Variants in FTCDNL1 observed in about 807,000 individuals in gnomAD.
The protein encoded by FTCDNL1 is formiminotransferase cyclodeaminase N-terminal like.
FTCDNL1 carries 11 observed loss-of-function variants against 5.9 expected under a neutral mutation model. That is an observed-to-expected ratio of 1.87 (90% CI 1.18 to 3.10). The LOEUF is 3.10. FTCDNL1 is among the 30% of genes most tolerant of loss of function. The probability of loss-of-function intolerance (pLI) is 0.00; values close to 1 mark genes in which losing one functional copy is unlikely to be tolerated. For missense variants in FTCDNL1, 115 were observed against 65.5 expected, an observed-to-expected ratio of 1.76 and a Z score of -2.61; for synonymous variants, 58 against 24.8, an observed-to-expected ratio of 2.34 and a Z score of -3.99.
chr2:199,848,726 C>T, intron 2 of FTCDNL1, 122 bp downstream of exon 2: 1 of 573,758 alleles, frequency 1.7e-6, no homozygotes, highest in Non-Finnish European at 3.1e-6. Context: ...AGCTCAAGAG[C>T]AAGGAGGAAA....
downstream of FTCDNL1, among the ~76,000 whole-genome samples, chr2:199,759,141 G>C (rs201263470): frequency 7.5e-4 from 112 of 150,264 alleles, no homozygotes; most frequent in Non-Finnish European, 1.0e-3. Flanking sequence ...ATTTGTGTGT[G>C]TATATATATA....
chr2:199,741,898 C>T, the FTCDNL1 span, among the ~76,000 whole-genome samples: 3 of 152,134 alleles, frequency 2.0e-5, no homozygotes. Context: ...CAGCTATTAA[C>T]ATATCGACGA....
intron 3 of FTCDNL1, among the ~76,000 whole-genome samples, chr2:199,842,104 C>CAA (rs199525463): frequency 1.5e-3 from 208 of 141,732 alleles, no homozygotes; most frequent in African/African-American, 4.9e-3. Flanking sequence ...ACTAAAAATA[C>CAA]AAAAAAAAAA....
chr2:199,716,895 A>G, the FTCDNL1 span, among the ~76,000 whole-genome samples: 8 of 152,164 alleles, frequency 5.3e-5, no homozygotes, highest in Non-Finnish European at 1.2e-4. Context: ...ATAGATGGGA[A>G]ATGGCTAAGG....
At chr2:199,781,069 C>T (rs1699338380) in intron 3 of FTCDNL1, among the ~76,000 whole-genome samples, 1 of 152,200 alleles carries the variant, frequency 6.6e-6, no homozygotes, top group Admixed American at 6.5e-5. Context: ...ATGACTTTCT[C>T]CTTCCACATA....
At chr2:199,753,255 C>G in the FTCDNL1 span, among the ~76,000 whole-genome samples, 1 of 152,272 alleles carries the variant, frequency 6.6e-6, no homozygotes, top group African/African-American at 2.4e-5. Flanking sequence ...TTTAGAGAAG[C>G]TGAAAAACAA....
At chr2:199,753,290 G>GA in the FTCDNL1 span, among the ~76,000 whole-genome samples, 1 of 152,160 alleles carries the variant, frequency 6.6e-6, no homozygotes, top group African/African-American at 2.4e-5. Context: ...AGCTGCAGGA[G>GA]AGCATTTCAG....
intron 3 of FTCDNL1, among the ~76,000 whole-genome samples, chr2:199,779,517 C>T (rs931825694): frequency 1.1e-4 from 16 of 152,124 alleles, no homozygotes; most frequent in African/African-American, 3.9e-4. Flanking sequence ...CCCCCTCCAC[C>T]TTCCACATGT....
the FTCDNL1 span, among the ~76,000 whole-genome samples, chr2:199,666,919 A>G: frequency 6.6e-6 from 1 of 152,002 alleles, no homozygotes; most frequent in Non-Finnish European, 1.5e-5. Context: ...TCAAAAAAAA[A>G]AAAAAAAGTG....
At chr2:199,770,563 T>C (rs997690085) in intron 3 of FTCDNL1, among the ~76,000 whole-genome samples, 2 of 152,230 alleles carry the variant, frequency 1.3e-5, no homozygotes, top group African/African-American at 2.4e-5. Context: ...CATATATTTG[T>C]TCCTCCTGGT....
chr2:199,716,133 G>A, the FTCDNL1 span, among the ~76,000 whole-genome samples: 5 of 150,642 alleles, frequency 3.3e-5, no homozygotes, highest in African/African-American at 4.9e-5. Flanking sequence ...ATAATTGGCA[G>A]TTCTCTTTAA....
chr2:199,824,914 G>C (rs1056090863), intron 3 of FTCDNL1, among the ~76,000 whole-genome samples: 1 of 152,138 alleles, frequency 6.6e-6, no homozygotes, highest in African/African-American at 2.4e-5. Flanking sequence ...GAGGCAGGCA[G>C]ACTGCCTGAG....
At position 199,848,897 on chromosome 2, in the gene FTCDNL1, T is replaced by C; in HGVS notation, c.66A>G (p.Arg22=). 1 of 702,368 alleles carries C rather than the reference T, an allele frequency of 1.4e-6. No individual in the cohort carries two copies. The highest frequency in any genetic ancestry group is 2.6e-6 in the Non-Finnish European group (1 of 384,806). The allele number at this position is 702,368 out of a possible 1,614,324, so 43.5% of individuals were successfully genotyped here. A position where few individuals can be genotyped will look rare whatever the true frequency, so the allele number is the denominator to read the frequency against. Residue 22 remains arginine (R), a synonymous_variant, in exon 2 of 5, where the codon AGA becomes AGG. Transcript: ENST00000420128. ...TTGCTATGTTCTCAACAATGTATTT[T>C]CTTCCGGCTTCTGAAACGTTTAGTA... The part of the protein sequence containing the change: ...ACLLNVSEAG[R]KYIVENIAKA...
At chr2:199,695,750 T>C in the FTCDNL1 span, among the ~76,000 whole-genome samples, 4 of 152,156 alleles carry the variant, frequency 2.6e-5, no homozygotes, top group Admixed American at 1.3e-4. Flanking sequence ...CTTGGAGAGT[T>C]GACAGGAACA....
intron 3 of FTCDNL1, among the ~76,000 whole-genome samples, chr2:199,779,710 G>A (rs1699265789): frequency 6.6e-6 from 1 of 152,202 alleles, no homozygotes; most frequent in South Asian, 2.1e-4. Context: ...ATGGCCCAGT[G>A]TGGTTTGTGT....
intron 3 of FTCDNL1, among the ~76,000 whole-genome samples, chr2:199,789,889 CA>C (rs1245964496): frequency 6.6e-6 from 1 of 151,736 alleles, no homozygotes; most frequent in Non-Finnish European, 1.5e-5. Flanking sequence ...ATAAAGTTTC[CA>C]AGAAAGATAC....
the FTCDNL1 span, among the ~76,000 whole-genome samples, chr2:199,753,390 C>T: frequency 1.3e-5 from 2 of 152,232 alleles, no homozygotes; most frequent in Non-Finnish European, 2.9e-5. Context: ...CAGGGCCATG[C>T]TGTACAGGAG....
chr2:199,714,443 A>G, the FTCDNL1 span, among the ~76,000 whole-genome samples: 3 of 152,212 alleles, frequency 2.0e-5, no homozygotes, highest in East Asian at 3.8e-4. Context: ...TGTAAATGTT[A>G]CAAATTACAA....
intron 3 of FTCDNL1, among the ~76,000 whole-genome samples, chr2:199,842,815 T>C (rs191456627): frequency 6.6e-6 from 1 of 152,278 alleles, no homozygotes; most frequent in East Asian, 1.9e-4. Flanking sequence ...GATTATTATG[T>C]TAAAGCTGGT....
Sources: allele counts gnomAD v4.1 joint callset (sites outside exome capture counted in the v4.1 genomes callset), GRCh38; gene constraint gnomAD v4.1.1; transcripts MANE v1.5; gene names NCBI Gene and HGNC (gene_info 2026-07-23, HGNC 2026-07-21).